NDST3: variants seen among roughly 807,000 people sequenced by gnomAD.
NDST3 encodes bifunctional heparan sulfate N-deacetylase/N-sulfotransferase 3.
In NDST3, 58 loss-of-function variants were observed where a neutral mutation model predicts 96.1. The observed-to-expected ratio is 0.60, with a 90% confidence interval of 0.49 to 0.75. The LOEUF is 0.75. Among genes scored for constraint, NDST3 ranks in the 30% least tolerant of loss-of-function variants. The pLI, the probability that NDST3 is intolerant of heterozygous loss-of-function variation, is 0.00. For synonymous variants in NDST3, 333 were observed against 359.7 expected (o/e 0.93, Z 0.84); for missense variants, 788 against 1,034.2 (o/e 0.76, Z 3.27).
At chr4:118,033,614 G>A (rs1723992786), upstream of NDST3, 1 of 151,778 alleles carries the variant, frequency 6.6e-6, no homozygotes, top group African/African-American at 2.4e-5. Context: ...CCCGGGAGGC[G>A]GTGGCGAGGG....
At chr4:118,172,242 A>G (rs1735998160) in intron 6 of NDST3, among the ~76,000 whole-genome samples, 2 of 152,214 alleles carry the variant, frequency 1.3e-5, no homozygotes, top group Admixed American at 1.3e-4. Context: ...CTTTTGTAGT[A>G]AAATTGGGAT....
chr4:118,083,700 C>T (rs1425946051), intron 2 of NDST3, among the ~76,000 whole-genome samples: 1 of 152,012 alleles, frequency 6.6e-6, no homozygotes, highest in Non-Finnish European at 1.5e-5. Context: ...TGACCTAGTG[C>T]TTTCATGTAT....
intron 8 of NDST3, among the ~76,000 whole-genome samples, chr4:118,230,623 C>T (rs1740220710): frequency 6.6e-6 from 1 of 152,060 alleles, no homozygotes; most frequent in African/African-American, 2.4e-5. Context: ...AAAGACTTAC[C>T]GAATCAGAGA....
chr4:118,137,967 T>C (rs574492964), intron 4 of NDST3, 87 bp from the exon 5 acceptor site: 11 of 1,111,084 alleles, frequency 9.9e-6, no homozygotes, highest in Admixed American at 5.2e-5. Context: ...TAAATATATA[T>C]ATTTACAGTA....
intron 6 of NDST3, among the ~76,000 whole-genome samples, chr4:118,186,330 G>C (rs1560704719): frequency 6.6e-6 from 1 of 151,944 alleles, no homozygotes; most frequent in Non-Finnish European, 1.5e-5. Context: ...TTCTCTAGAG[G>C]GACAGAACTA....
chr4:118,161,705 C>T (rs992383253), intron 6 of NDST3, among the ~76,000 whole-genome samples: 7 of 152,122 alleles, frequency 4.6e-5, no homozygotes, highest in African/African-American at 1.2e-4. Flanking sequence ...CCTGGTGTGC[C>T]GTTTTTTAAG....
intron 12 of NDST3, among the ~76,000 whole-genome samples, chr4:118,249,423 T>C (rs1419225801): frequency 6.6e-6 from 1 of 152,210 alleles, no homozygotes; most frequent in Non-Finnish European, 1.5e-5. Context: ...GGCTTTCATG[T>C]ACAGATTATT....
intron 4 of NDST3, among the ~76,000 whole-genome samples, chr4:118,116,133 G>A (rs990901932): frequency 7.2e-5 from 11 of 152,154 alleles, no homozygotes; most frequent in African/African-American, 2.7e-4. Context: ...AATAGAAAGT[G>A]CTAAAACTCA....
intron 12 of NDST3, among the ~76,000 whole-genome samples, chr4:118,251,384 A>T (rs540042860): frequency 6.5e-4 from 99 of 151,982 alleles, no homozygotes; most frequent in Non-Finnish European, 1.2e-3. Context: ...CCTCGGCCTT[A>T]TAATTTTAGC....
rs573183217 is a variant in NDST3 at position 118,074,456 on chromosome 4, A to C, written c.981+19565A>C. 2.6e-5 allele frequency among the ~76,000 whole-genome samples: 4 copies of C among 152,318 alleles called. No individual in the cohort carries two copies. In the South Asian group the frequency reaches 8.3e-4, roughly 32 times the overall value. Reference sequence around the variant, plus strand: ...TGTTAGATGCAAATATATTTAGGATAGTTAACTCCTGTTGAATTGAACCTT... The same window carrying C: ...TGTTAGATGCAAATATATTTAGGATCGTTAACTCCTGTTGAATTGAACCTT... On this transcript the variant is annotated intron_variant, in intron 2 of 13. Transcript: ENST00000296499.
At chr4:118,198,000 A>G (rs1158723462) in intron 6 of NDST3, among the ~76,000 whole-genome samples, 1 of 151,884 alleles carries the variant, frequency 6.6e-6, no homozygotes, top group African/African-American at 2.4e-5. Flanking sequence ...GGGTTTCACC[A>G]TGTTGGCCAG....
chr4:118,142,528 G>C (rs1364025748), intron 5 of NDST3, among the ~76,000 whole-genome samples: 2 of 152,018 alleles, frequency 1.3e-5, no homozygotes, highest in Non-Finnish European at 2.9e-5. Flanking sequence ...TCCTGGACAG[G>C]TAATATTTTG....
chr4:118,046,820 G>C (rs934559470), intron 1 of NDST3, among the ~76,000 whole-genome samples: 20 of 152,190 alleles, frequency 1.3e-4, no homozygotes, highest in Non-Finnish European at 2.2e-4. Context: ...CTATTCATGG[G>C]CTGGAGTGGG....
At chr4:118,069,796 G>A (rs574243401) in intron 2 of NDST3, among the ~76,000 whole-genome samples, 111 of 103,674 alleles carry the variant, frequency 1.1e-3, no homozygotes, top group Admixed American at 1.7e-3. Context: ...GTTTTCCATT[G>A]GAGTGTTTGT....
At chr4:118,157,296 T>A (rs1022940607) in intron 6 of NDST3, among the ~76,000 whole-genome samples, 2 of 151,552 alleles carry the variant, frequency 1.3e-5, no homozygotes, top group African/African-American at 4.8e-5. Context: ...AATAGAAATT[T>A]TAAAAATTTA....
At chr4:118,151,584 G>C (rs1048823769) in intron 6 of NDST3, among the ~76,000 whole-genome samples, 1 of 152,010 alleles carries the variant, frequency 6.6e-6, no homozygotes, top group Non-Finnish European at 1.5e-5. Flanking sequence ...TAAATGTTAG[G>C]ATCAGGCAAA....
At position 118,054,427 on chromosome 4, in the gene NDST3, C is replaced by T. The variant is rs1254880778; in HGVS notation, c.517C>T (p.Gln173Ter). 1 of 1,612,838 alleles carries T rather than the reference C, an allele frequency of 6.2e-7. No individual in the cohort carries two copies. The highest frequency in any genetic ancestry group is 1.7e-5 in the Admixed American group (1 of 59,804). ...CCACAAAACTAGTGAGAAGAGTGTA[C>T]AGAGCTTTCAGTTAAAAGGTTTCCC... The part of the protein sequence containing the change: ...GFHKTSEKSV[Q>*]SFQLKGFPFS... Residue 173 changes from glutamine (Q) to a stop codon, truncating the protein, a stop_gained, in exon 2 of 14, where the codon CAG becomes TAG. Transcript: ENST00000296499. LOFTEE classifies it high-confidence loss of function.
In NDST3 at chr4:118,052,197, T is replaced by A. The variant is rs139490298; in HGVS notation, c.-155-1559T>A. 5.9e-3 allele frequency among the ~76,000 whole-genome samples: 905 copies of A among 152,128 alleles called. 6 individuals are homozygous for A. The highest frequency in any genetic ancestry group is 9.7e-3 in the Non-Finnish European group (660 of 67,906). On this transcript the variant is annotated intron_variant, in intron 1 of 13. Coordinates refer to ENST00000296499, the MANE Select transcript of NDST3 (RefSeq NM_004784.3). ...TACAAATACACCATGGAATACTATG[T>A]GGCCATAAAAAAGAATGAAGTCATG... is the stretch of plus-strand genomic sequence containing the variant.
chr4:118,212,610 T>C (rs1738875502), intron 6 of NDST3, among the ~76,000 whole-genome samples: 2 of 152,188 alleles, frequency 1.3e-5, no homozygotes, highest in African/African-American at 4.8e-5. Flanking sequence ...TCATACAACA[T>C]AGCATCAAGA....
Sources: gnomAD v4.1 joint callset for allele counts (sites outside exome capture counted in the v4.1 genomes callset) on GRCh38, gnomAD v4.1.1 for gene constraint, MANE v1.5 for transcripts, NCBI Gene and HGNC (gene_info 2026-07-23, HGNC 2026-07-21) for gene names.